Variants in GLCE observed in about 807,000 individuals in gnomAD.
GLCE encodes D-glucuronyl C5-epimerase.
A neutral mutation model predicts 47.9 loss-of-function variants in GLCE; 19 were observed. The observed-to-expected ratio is 0.40, with a 90% CI of 0.28 to 0.58. The LOEUF is 0.58. GLCE is among the 20% of genes least tolerant of loss of function. GLCE has a pLI of 0.48. For missense variants in GLCE, 556 were observed against 743.3 expected (o/e 0.75, Z 2.93); for synonymous variants, 245 against 263.4 (o/e 0.93, Z 0.68).
Position 69,270,645 on chromosome 15 carries a change from G to A in GLCE, c.*1401G>A, listed in dbSNP as rs1223888027. On this transcript the variant is annotated 3_prime_UTR_variant, in exon 5 of 5. Coordinates refer to ENST00000261858, the MANE Select transcript of GLCE (RefSeq NM_015554.3). ...TGACCTATATCAAGTACACATTTAG[G>A]AGCCAGGTAGGTTACCTGCTTACAC... 6.6e-6 allele frequency: 1 copy of A among 152,080 alleles called. No individual in the cohort carries two copies. The highest frequency in any genetic ancestry group is 1.5e-5 in the Non-Finnish European group (1 of 68,024). 9.4% of individuals were successfully genotyped at this position (152,080 alleles called of 1,614,324 possible).
In GLCE at chr15:69,255,980, A is replaced by T; in HGVS notation, c.174A>T (p.Ala58=). 1.9e-6 allele frequency: 3 copies of T among 1,614,108 alleles called. No homozygotes were observed. Among genetic ancestry groups the T allele is most frequent in the South Asian group, 1.1e-5 (1 of 91,082 alleles). ...RVDGFEKRAA[A]SESNNYMNHV... Reference sequence around the variant, plus strand: ...ATGGGTTTGAAAAAAGAGCAGCAGCATCTGAGAGTAACAACTATATGAACC... The same window carrying T: ...ATGGGTTTGAAAAAAGAGCAGCAGCTTCTGAGAGTAACAACTATATGAACC... Residue 58 remains alanine, a synonymous_variant, in exon 3 of 5, where the codon GCA becomes GCT. Coordinates refer to ENST00000261858, the MANE Select transcript of GLCE (RefSeq NM_015554.3).
chr15:69,213,875 T>C (rs1315362102), intron 2 of GLCE, among the ~76,000 whole-genome samples: 1 of 152,174 alleles, frequency 6.6e-6, no homozygotes, highest in East Asian at 1.9e-4. Flanking sequence ...CATTTACTTA[T>C]ATCAGTGTGA....
intron 4 of GLCE, among the ~76,000 whole-genome samples, chr15:69,261,988 C>T (rs959020303): frequency 1.3e-5 from 2 of 152,158 alleles, no homozygotes; most frequent in African/African-American, 2.4e-5. Context: ...CTTAAGAAGA[C>T]AATGAAATAA....
intron 2 of GLCE, among the ~76,000 whole-genome samples, chr15:69,225,430 G>A (rs2052433412): frequency 6.6e-6 from 1 of 152,100 alleles, no homozygotes; most frequent in African/African-American, 2.4e-5. Context: ...TAAATAATTT[G>A]TTAATAATTA....
chr15:69,178,017 G>A (rs2051696172), intron 1 of GLCE, among the ~76,000 whole-genome samples: 1 of 151,902 alleles, frequency 6.6e-6, no homozygotes, highest in Admixed American at 6.6e-5. Context: ...TGAGCATTTG[G>A]GTTATTTACA....
intron 2 of GLCE, among the ~76,000 whole-genome samples, chr15:69,234,896 T>C (rs1212281919): frequency 1.3e-5 from 2 of 152,192 alleles, no homozygotes; most frequent in Non-Finnish European, 2.9e-5. Flanking sequence ...TTGTATTTGT[T>C]TCTTGATTGC....
At chr15:69,180,815 AGAAAGACATTGGATGAGTTGGAACAG>A (rs2051739189) in intron 1 of GLCE, among the ~76,000 whole-genome samples, 1 of 152,246 alleles carries the variant, frequency 6.6e-6, no homozygotes, top group Non-Finnish European at 1.5e-5. Flanking sequence ...TACGTGGTAT[AGAAAGACATTGGATGAGTTGGAACAG>A]AATAGTGACA....
chr15:69,192,155 C>G (rs989187653), intron 1 of GLCE, among the ~76,000 whole-genome samples: 4 of 151,948 alleles, frequency 2.6e-5, no homozygotes, highest in African/African-American at 9.7e-5. Context: ...TTGCCCTACT[C>G]TTTTTGTTTT....
At chr15:69,191,713 A>C (rs561386514) in intron 1 of GLCE, among the ~76,000 whole-genome samples, 5 of 152,328 alleles carry the variant, frequency 3.3e-5, no homozygotes, top group African/African-American at 1.2e-4. Flanking sequence ...CTTCAGGCAC[A>C]GTAAAACACC....
At chr15:69,162,578 A>G (rs1328050136) in intron 1 of GLCE, among the ~76,000 whole-genome samples, 1 of 151,800 alleles carries the variant, frequency 6.6e-6, no homozygotes, top group African/African-American at 2.4e-5. Context: ...TTCTTTTGAA[A>G]CAGGGACTTA....
At chr15:69,187,306 G>A (rs968064025) in intron 1 of GLCE, among the ~76,000 whole-genome samples, 2 of 151,972 alleles carry the variant, frequency 1.3e-5, no homozygotes, top group Admixed American at 6.6e-5. Flanking sequence ...TTACATAAGA[G>A]ATACTATTAA....
intron 1 of GLCE, among the ~76,000 whole-genome samples, chr15:69,181,528 A>C (rs1035249123): frequency 2.1e-4 from 32 of 152,192 alleles, no homozygotes; most frequent in African/African-American, 7.5e-4. Flanking sequence ...AGGAGGGAGT[A>C]ATGAACCCCT....
At position 69,268,385 on chromosome 15, in the gene GLCE, T is replaced by C; in HGVS notation, c.995T>C (p.Phe332Ser). Residue 332 changes from phenylalanine to serine, a missense_variant, in exon 5 of 5, where the codon TTT (phenylalanine) becomes TCT (serine). By Grantham distance (155) the Phe-to-Ser change is radical. Around this residue, in one of 3 missense-constraint regions of GLCE, gnomAD observed 245 missense variants for 368.1 expected, o/e 0.67. Coordinates refer to ENST00000261858, the MANE Select transcript of GLCE (RefSeq NM_015554.3). ...GTCTCAAATGCTCAGCTAATTGCTT[T>C]TAAAGAAAGAGATATATACTATGGC... ...HYVSNAQLIA[F>S]KERDIYYGIG... The C allele has an allele frequency of 1.9e-6, 3 of 1,614,154 alleles. No homozygotes were observed. The highest frequency in any genetic ancestry group is 2.5e-6 in the Non-Finnish European group (3 of 1,180,012).
chr15:69,240,283 CAAAAAAA>C (rs545688611), intron 2 of GLCE, among the ~76,000 whole-genome samples: 2 of 18,422 alleles, frequency 1.1e-4, no homozygotes, highest in African/African-American at 7.1e-4. Flanking sequence ...GACTCCGTCT[CAAAAAAA>C]AAAAAAAAAA....
At chr15:69,207,395 T>C (rs2052167339) in intron 1 of GLCE, among the ~76,000 whole-genome samples, 1 of 152,000 alleles carries the variant, frequency 6.6e-6, no homozygotes, top group Non-Finnish European at 1.5e-5. Flanking sequence ...TCTCCATGCA[T>C]CCCCTTTGTA....
chr15:69,217,152 A>G (rs552497281), intron 2 of GLCE, among the ~76,000 whole-genome samples: 2 of 152,094 alleles, frequency 1.3e-5, no homozygotes, highest in African/African-American at 4.8e-5. Context: ...GCCCTTTCCA[A>G]TATAAAACTT....
chr15:69,179,303 T>C (rs1311900775), intron 1 of GLCE, among the ~76,000 whole-genome samples: 1 of 152,214 alleles, frequency 6.6e-6, no homozygotes, highest in Non-Finnish European at 1.5e-5. Flanking sequence ...TAGTATGTAA[T>C]TATAGATTCA....
intron 1 of GLCE, among the ~76,000 whole-genome samples, chr15:69,179,539 T>C (rs1205967317): frequency 2.4e-4 from 36 of 152,236 alleles, no homozygotes; most frequent in Admixed American, 2.4e-3. Context: ...ACAGTCAAGA[T>C]ACAGAACTGT....
intron 1 of GLCE, among the ~76,000 whole-genome samples, chr15:69,173,364 T>A (rs948016832): frequency 3.9e-5 from 6 of 152,186 alleles, no homozygotes; most frequent in Non-Finnish European, 8.8e-5. Context: ...TTAGATTGGG[T>A]AACTGGATGA....
Sources: gnomAD v4.1 joint callset for allele counts (sites outside exome capture counted in the v4.1 genomes callset) on GRCh38, gnomAD v4.1.1 for gene constraint, gnomAD v4.1.1 regional missense constraint, MANE v1.5 for transcripts, NCBI Gene and HGNC (gene_info 2026-07-23, HGNC 2026-07-21) for gene names.